The following CIP2A variants were observed in gnomAD, a reference collection of about 807,000 sequenced individuals.
CIP2A encodes cellular inhibitor of PP2A.
A neutral mutation model predicts 110.9 loss-of-function variants in CIP2A; 103 were observed. The ratio of observed to expected loss-of-function variants is 0.93; its 90% CI spans 0.79 to 1.09. CIP2A has a LOEUF of 1.09. Among genes scored for constraint, CIP2A ranks in the 50% least tolerant of loss-of-function variants. The pLI is 0.00. For missense variants in CIP2A, 1,088 were observed against 1,038.4 expected (o/e 1.05, Z -0.66); for synonymous variants, 381 against 361.6 (o/e 1.05, Z -0.61).
intron 1 of CIP2A, among the ~76,000 whole-genome samples, chr3:108,588,525 A>G (rs1018991599): frequency 6.6e-6 from 1 of 152,172 alleles, no homozygotes; most frequent in Non-Finnish European, 1.5e-5. Context: ...AATTATGTTC[A>G]ATTCTACCTT....
intron 11 of CIP2A, 136 bp from the exon 12 acceptor site, chr3:108,565,590 T>C (rs1388666210): frequency 3.7e-6 from 2 of 537,682 alleles, no homozygotes; most frequent in East Asian, 3.2e-5. Context: ...CCTGTTTCTA[T>C]TGAGAAGTAA....
In CIP2A at chr3:108,552,296, T is replaced by C; in HGVS notation, c.2485A>G (p.Ile829Val). The C allele has an allele frequency of 1.3e-6, 2 of 1,566,922 alleles. No homozygotes were observed. Among genetic ancestry groups the C allele is most frequent in the Non-Finnish European group, 1.7e-6 (2 of 1,150,590 alleles). The change falls in exon 20 of 21, where the codon ATT becomes GTT. Residue 829 changes from isoleucine to valine, a missense_variant. Physicochemically the swap from Ile to Val is conservative, Grantham distance 29 (BLOSUM62 3). Coordinates refer to ENST00000295746, the MANE Select transcript of CIP2A (RefSeq NM_020890.3). The part of the protein sequence containing the change: ...QKEREDKEET[I>V]DILRKELSRT... ...CTTAATTCTTTTCTAAGGATATCAA[T>C]GGTTTCTTCCTTATCTTCCCTTTCC...
intron 7 of CIP2A, among the ~76,000 whole-genome samples, chr3:108,577,512 T>G (rs1938702066): frequency 1.3e-5 from 2 of 152,068 alleles, no homozygotes; most frequent in African/African-American, 4.8e-5. Flanking sequence ...TTCAGGGAGC[T>G]CCAATCAAAT....
In CIP2A at chr3:108,553,700, T is replaced by C; in HGVS notation, c.2355A>G (p.Glu785=). 2.7e-6 allele frequency: 4 copies of C among 1,500,464 alleles called. No individual in the cohort carries two copies. The highest frequency in any genetic ancestry group is 3.7e-6 in the Non-Finnish European group (4 of 1,079,078). The allele number at this position is 1,500,464 out of a possible 1,614,324, so 92.9% of individuals were successfully genotyped here. A position where few individuals can be genotyped will look rare whatever the true frequency, so the allele number is the denominator to read the frequency against. ...GCTGATTCTGTACTTCTTTTCTCTG[T>C]TCTTCTTTCTCTATTAATTGGGCAA... ...KSIAQLIEKE[E]QRKEVQNQLV... The change falls in exon 19 of 21, where the codon GAA becomes GAG. Residue 785 remains glutamate, a synonymous_variant. Transcript: ENST00000295746.
Position 108,569,181 on chromosome 3 carries a change from T to TATAC in CIP2A, c.1113+207_1113+208insGTAT. 1.8e-3 allele frequency among the ~76,000 whole-genome samples: 106 copies of TATAC among 58,282 alleles called. 25 individuals are homozygous for TATAC. The highest frequency in any genetic ancestry group is 2.0e-3 in the Non-Finnish European group (52 of 25,562). The allele number at this position is 58,282 out of a possible 152,430, so 38.2% of individuals were successfully genotyped here. On this transcript the variant is annotated intron_variant, in intron 9 of 20. Transcript: ENST00000295746. Reference sequence around the variant, plus strand: ...CTGAAATGAGCACTATATATATATATACATACACACTACTCAGTGAAAAAA... The same window carrying TATAC: ...CTGAAATGAGCACTATATATATATATATACACATACACACTACTCAGTGAAAAAA...
At chr3:108,570,523 G>C (rs1017054007) in intron 8 of CIP2A, among the ~76,000 whole-genome samples, 1 of 152,014 alleles carries the variant, frequency 6.6e-6, no homozygotes, top group African/African-American at 2.4e-5. Context: ...TCCCTTTATT[G>C]CCCGTGGGCT....
chr3:108,554,518 C>T (rs1200940288), intron 17 of CIP2A, 29 bp from the exon 18 acceptor site: 1 of 920,800 alleles, frequency 1.1e-6, no homozygotes, highest in East Asian at 2.6e-5. Flanking sequence ...GAGTTGGCAT[C>T]ATTATGGAGG....
In CIP2A at chr3:108,585,709, G is replaced by A. The variant is rs1413011139; in HGVS notation, c.103-497C>T. 8.8e-6 allele frequency: 4 copies of A among 456,390 alleles called. No individual in the cohort carries two copies. The Admixed American group carries it at 9.4e-5, about 11-fold the overall frequency. The allele number at this position is 456,390 out of a possible 1,614,324, so 28.3% of individuals were successfully genotyped here. A position where few individuals can be genotyped will look rare whatever the true frequency, so the allele number is the denominator to read the frequency against. Reference sequence around the variant, plus strand: ...AAAATGAAGCCCAGAGGGTAGTTATGGGATTATTCCTTCTGCTTCTTCCCA... The same window carrying A: ...AAAATGAAGCCCAGAGGGTAGTTATAGGATTATTCCTTCTGCTTCTTCCCA... On this transcript the variant is annotated intron_variant, in intron 1 of 20. Transcript: ENST00000295746.
rs2083880799 is a variant in CIP2A at position 108,550,298 on chromosome 3, A to G, written c.*851T>C. 1.3e-5 allele frequency: 2 copies of G among 151,592 alleles called. No individual in the cohort carries two copies. Among genetic ancestry groups the G allele is most frequent in the Admixed American group, 1.3e-4 (2 of 15,218 alleles). 9.4% of individuals were successfully genotyped at this position (151,592 alleles called of 1,614,324 possible). On this transcript the variant is annotated 3_prime_UTR_variant, in exon 21 of 21. Coordinates refer to ENST00000295746, the MANE Select transcript of CIP2A (RefSeq NM_020890.3). ...CTATTAGGACAACAAATTAAATACAATTCATATCAGAATTAACAGTAAATA... is the reference window on the plus strand; with the variant it reads ...CTATTAGGACAACAAATTAAATACAGTTCATATCAGAATTAACAGTAAATA...
At chr3:108,581,625 T>C in intron 4 of CIP2A, 114 bp from the exon 5 acceptor site, 1 of 622,772 alleles carries the variant, frequency 1.6e-6, no homozygotes, top group Non-Finnish European at 2.8e-6. Context: ...AATTCCCTTT[T>C]ACACGCAAAA....
intron 19 of CIP2A, among the ~76,000 whole-genome samples, 197 bp from the exon 20 acceptor site, chr3:108,552,570 T>C (rs1298685938): frequency 6.6e-6 from 1 of 152,102 alleles, no homozygotes; most frequent in African/African-American, 2.4e-5. Flanking sequence ...TAATATGCTA[T>C]ATAGGTAAAG....
intron 8 of CIP2A, chr3:108,575,067 T>G (rs998382202): frequency 1.3e-5 from 2 of 152,062 alleles, no homozygotes; most frequent in African/African-American, 4.8e-5. Context: ...TTCGTGAGGG[T>G]GTTCACTGTA....
intron 11 of CIP2A, among the ~76,000 whole-genome samples, chr3:108,565,739 G>C (rs1203916956): frequency 6.6e-6 from 1 of 151,778 alleles, no homozygotes; most frequent in African/African-American, 2.4e-5. Context: ...TCGAAACACA[G>C]TTCATTTAAT....
intron 17 of CIP2A, 148 bp from the exon 18 acceptor site, chr3:108,554,637 C>A (rs1937722251): frequency 7.6e-6 from 4 of 526,318 alleles, no homozygotes; most frequent in Non-Finnish European, 1.0e-5. Flanking sequence ...AGGACATAAA[C>A]AGAATTTCAT....
intron 13 of CIP2A, among the ~76,000 whole-genome samples, chr3:108,561,080 T>C (rs1937991929): frequency 6.6e-6 from 1 of 152,202 alleles, no homozygotes; most frequent in Non-Finnish European, 1.5e-5. Flanking sequence ...GGAGGCATTG[T>C]AAGACTAGTT....
chr3:108,552,084 C>T (rs1937608444), intron 20 of CIP2A, 150 bp downstream of exon 20: 1 of 546,824 alleles, frequency 1.8e-6, no homozygotes, highest in African/African-American at 2.0e-5. Context: ...TTATGAAAAC[C>T]TCATAACAAA....
chr3:108,569,185 T>TATATATATATATACACACATACAC (rs1262928381), intron 9 of CIP2A, among the ~76,000 whole-genome samples: 1 of 125,080 alleles, frequency 8.0e-6, no homozygotes, highest in African/African-American at 3.0e-5. Flanking sequence ...TATATATACA[T>TATATATATATATACACACATACAC]ACACACTACT....
rs2107372434 is a variant in CIP2A at position 108,585,062 on chromosome 3, T to C, written c.250+3A>G. On this transcript the variant is annotated splice_donor_region_variant and intron_variant, in intron 2 of 20. Transcript: ENST00000295746. ...ACTAAAAAGGAGAAATTAAATGCAT[T>C]ACCTAGTTGAGACAGCAAACCGATA... is the stretch of plus-strand genomic sequence containing the variant. The C allele has an allele frequency of 6.2e-7, 1 of 1,601,276 alleles. No individual in the cohort carries two copies. Among genetic ancestry groups the C allele is most frequent in the Non-Finnish European group, 8.5e-7 (1 of 1,174,856 alleles).
Position 108,579,444 on chromosome 3 carries a change from A to G in CIP2A, c.673-18T>C, listed in dbSNP as rs1223588817. Reference sequence around the variant, plus strand: ...TGGAATAGCTTAAGGACAAATTAGAAAAAGCATATTAGACAAAAAATTAAG... The same window carrying G: ...TGGAATAGCTTAAGGACAAATTAGAGAAAGCATATTAGACAAAAAATTAAG... On this transcript the variant is annotated intron_variant, in intron 6 of 20. Coordinates refer to ENST00000295746, the MANE Select transcript of CIP2A (RefSeq NM_020890.3). The G allele has an allele frequency of 3.1e-6, 5 of 1,591,978 alleles. No individual in the cohort carries two copies. The highest frequency in any genetic ancestry group is 4.3e-6 in the Non-Finnish European group (5 of 1,169,382).
Sources: allele counts gnomAD v4.1 joint callset (sites outside exome capture counted in the v4.1 genomes callset), GRCh38; gene constraint gnomAD v4.1.1; transcripts MANE v1.5; gene names NCBI Gene and HGNC (gene_info 2026-07-23, HGNC 2026-07-21).